Variants in USP28 observed in about 807,000 individuals in gnomAD.
USP28 encodes ubiquitin specific peptidase 28.
USP28 carries 113 observed loss-of-function variants against 145.0 expected under a neutral mutation model. That is an observed-to-expected ratio of 0.78 (90% CI 0.67 to 0.91). The LOEUF (loss-of-function observed/expected upper bound fraction) is 0.91, where lower values mean the gene tolerates loss of function less well. Ranked by LOEUF, USP28 falls within the 40% of genes least tolerant of loss-of-function variation. The probability of loss-of-function intolerance (pLI) is 0.00; values close to 1 mark genes in which losing one functional copy is unlikely to be tolerated. For synonymous variants in USP28, 447 were observed against 450.9 expected (o/e 0.99, Z 0.11); for missense variants, 1,201 against 1,289.6 (o/e 0.93, Z 1.05).
chr11:113,803,008 C>G, intron 23 of USP28, 150 bp downstream of exon 24: 1 of 818,880 alleles, frequency 1.2e-6, no homozygotes. Flanking sequence ...GAAAAAAAAC[C>G]TGTTCCAATG....
chr11:113,875,510 C>A (rs1384546231), exon 1 of USP28: 2 of 1,164,180 alleles, frequency 1.7e-6, no homozygotes, highest in Admixed American at 4.8e-5. Context: ...ATGGCCGAGG[C>A]GCCCAGCCGC....
intron 23 of USP28, among the ~76,000 whole-genome samples, chr11:113,802,575 G>A (rs576444495): frequency 1.3e-5 from 2 of 152,310 alleles, no homozygotes; most frequent in South Asian, 4.1e-4. Flanking sequence ...GGGGATGTAG[G>A]TCTGCCTTTC....
exon 1 of USP28, chr11:113,875,501 T>C (rs1290803752): frequency 1.7e-6 from 2 of 1,176,758 alleles, no homozygotes; most frequent in East Asian, 4.1e-5. Context: ...TCCGCAGTCA[T>C]GGCCGAGGCG....
intron 24 of USP28, among the ~76,000 whole-genome samples, chr11:113,800,950 C>G: frequency 6.6e-6 from 1 of 150,830 alleles, no homozygotes; most frequent in Non-Finnish European, 1.5e-5. Context: ...TCAAGTGATT[C>G]TCCTGCCTCA....
intron 24 of USP28, among the ~76,000 whole-genome samples, chr11:113,799,677 G>T (rs1938583962): frequency 6.6e-6 from 1 of 152,180 alleles, no homozygotes; most frequent in South Asian, 2.1e-4. Context: ...ATACAAGGAA[G>T]TAGATATGAT....
intron 12 of USP28, among the ~76,000 whole-genome samples, chr11:113,819,918 C>T (rs1942351695): frequency 1.3e-5 from 2 of 152,118 alleles, no homozygotes; most frequent in Non-Finnish European, 2.9e-5. Flanking sequence ...GGGGTTTCAC[C>T]ATGTTGGTCA....
At chr11:113,799,447 A>T (rs761907194) in intron 24 of USP28, 32 bp from the exon 26 acceptor site, 6 of 1,591,780 alleles carry the variant, frequency 3.8e-6, no homozygotes, top group Non-Finnish European at 5.1e-6. Flanking sequence ...TTACATATAC[A>T]GCTAAACAGA....
chr11:113,817,189 AGAAGCCCCTCT>A (rs1299237536), intron 13 of USP28, among the ~76,000 whole-genome samples: 1 of 152,166 alleles, frequency 6.6e-6, no homozygotes, highest in Non-Finnish European at 1.5e-5. Flanking sequence ...CCTTTACTAG[AGAAGCCCCTCT>A]AAGCTGTCCT....
At chr11:113,829,802 G>T (rs1423429889) in intron 9 of USP28, among the ~76,000 whole-genome samples, 1 of 144,052 alleles carries the variant, frequency 6.9e-6, no homozygotes, top group African/African-American at 2.6e-5. Context: ...TACAACCTGG[G>T]CAACAGAGCA....
chr11:113,851,002 TA>T (rs1946387302), intron 3 of USP28, among the ~76,000 whole-genome samples: 1 of 152,202 alleles, frequency 6.6e-6, no homozygotes, highest in Non-Finnish European at 1.5e-5. Context: ...CCATCTTGGT[TA>T]AATGCTTCAG....
At chr11:113,804,838 A>C in intron 20 of USP28, 30 bp downstream of exon 21, 1 of 1,611,670 alleles carries the variant, frequency 6.2e-7, no homozygotes, top group Non-Finnish European at 8.5e-7. Flanking sequence ...AACCCAGACC[A>C]AGGGATTCAC....
intron 3 of USP28, among the ~76,000 whole-genome samples, chr11:113,848,909 G>T (rs925224100): frequency 6.6e-6 from 1 of 152,202 alleles, no homozygotes; most frequent in Non-Finnish European, 1.5e-5. Flanking sequence ...AAGCCTGTGA[G>T]TGCCTCCCAG....
intron 5 of USP28, among the ~76,000 whole-genome samples, chr11:113,839,294 T>C (rs1349373536): frequency 1.3e-5 from 2 of 152,152 alleles, no homozygotes; most frequent in African/African-American, 2.4e-5. Context: ...TATCTAAAAC[T>C]GAACTGATTG....
At chr11:113,844,801 G>A (rs2428011) in intron 3 of USP28, among the ~76,000 whole-genome samples, 9,837 of 152,122 alleles carry the variant, frequency 0.065, 435 homozygotes, top group Non-Finnish European at 0.09. Flanking sequence ...CACTGTTGGT[G>A]GGATTTTAAG....
chr11:113,869,921 G>C (rs1299853712), intron 1 of USP28, among the ~76,000 whole-genome samples: 1 of 152,190 alleles, frequency 6.6e-6, no homozygotes, highest in Non-Finnish European at 1.5e-5. Context: ...CCAGCACTTT[G>C]GGAGGCTGAG....
intron 5 of USP28, among the ~76,000 whole-genome samples, chr11:113,838,650 C>G (rs1234182399): frequency 3.9e-5 from 6 of 152,248 alleles, no homozygotes; most frequent in African/African-American, 1.4e-4. Flanking sequence ...CCCGCCTCAT[C>G]AGAAAGGCCA....
chr11:113,837,681 A>G (rs1158604911), intron 5 of USP28, among the ~76,000 whole-genome samples: 1 of 152,148 alleles, frequency 6.6e-6, no homozygotes, highest in African/African-American at 2.4e-5. Flanking sequence ...CATTAAATTC[A>G]CAGAGTGCCC....
chr11:113,819,255 G>A (rs1256075358), intron 12 of USP28, among the ~76,000 whole-genome samples: 1 of 151,944 alleles, frequency 6.6e-6, no homozygotes, highest in Non-Finnish European at 1.5e-5. Flanking sequence ...TGGGACTACA[G>A]GTGTGCGATG....
At chr11:113,821,594 C>T (rs547261229) in intron 12 of USP28, 33 of 184,284 alleles carry the variant, frequency 1.8e-4, no homozygotes, top group African/African-American at 6.8e-4. Flanking sequence ...GCCATGACAC[C>T]GCAGCTTTCC....
Sources: gnomAD v4.1 joint callset for allele counts (sites outside exome capture counted in the v4.1 genomes callset) on GRCh38, gnomAD v4.1.1 for gene constraint, MANE v1.5 for transcripts, NCBI Gene and HGNC (gene_info 2026-07-23, HGNC 2026-07-21) for gene names.